Variants in RORA observed in about 807,000 individuals in gnomAD.
The protein encoded by RORA is nuclear receptor ROR-alpha.
A neutral mutation model predicts 69.5 loss-of-function variants in RORA; 7 were observed. That is an observed-to-expected ratio of 0.10 (90% CI 0.06 to 0.19). The LOEUF (loss-of-function observed/expected upper bound fraction) is 0.19, where lower values mean the gene tolerates loss of function less well. Ranked by LOEUF, RORA falls within the 10% of genes least tolerant of loss-of-function variation. The pLI is 1.00. For synonymous variants in RORA, 261 were observed against 240.8 expected (o/e 1.08, Z -0.78); for missense variants, 457 against 663.0 (o/e 0.69, Z 3.41).
At position 60,543,532 on chromosome 15, in the gene RORA, G is replaced by A. The variant is rs181125548; in HGVS notation, c.197-11681C>T. 1.1e-3 allele frequency among the ~76,000 whole-genome samples: 174 copies of A among 152,086 alleles called. 2 individuals are homozygous for A. The East Asian group carries it at 0.025, about 21-fold the overall frequency. Reference sequence around the variant, plus strand: ...CTCACTCTGTCACCCAGGCTGGAGTGCAGTGGTGCGATCACAGCTCACTGC... The same window carrying A: ...CTCACTCTGTCACCCAGGCTGGAGTACAGTGGTGCGATCACAGCTCACTGC... On this transcript the variant is annotated intron_variant, in intron 2 of 10. Coordinates refer to ENST00000335670, the MANE Select transcript of RORA (RefSeq NM_134261.3).
intron 1 of RORA, among the ~76,000 whole-genome samples, chr15:60,853,323 A>G (rs1043182132): frequency 6.6e-6 from 1 of 152,166 alleles, no homozygotes; most frequent in Admixed American, 6.5e-5. Flanking sequence ...AGGTCTCAAA[A>G]TGACTGTTGC....
At chr15:61,024,882 G>A (rs957173694) in intron 1 of RORA, among the ~76,000 whole-genome samples, 2 of 152,148 alleles carry the variant, frequency 1.3e-5, no homozygotes, top group African/African-American at 2.4e-5. Flanking sequence ...GTGAGCCACC[G>A]CACCCAGCTG....
At chr15:60,898,432 C>T (rs138414194) in intron 1 of RORA, among the ~76,000 whole-genome samples, 1 of 152,008 alleles carries the variant, frequency 6.6e-6, no homozygotes, top group African/African-American at 2.4e-5. Flanking sequence ...ATCCCAGAAA[C>T]TCAGAAGGCT....
intron 1 of RORA, among the ~76,000 whole-genome samples, chr15:61,127,320 T>C (rs1234594614): frequency 1.3e-5 from 2 of 152,146 alleles, no homozygotes; most frequent in Non-Finnish European, 2.9e-5. Context: ...GAATATTAAA[T>C]CTTCCTCATG....
At chr15:61,018,600 G>T (rs1895387817) in intron 1 of RORA, among the ~76,000 whole-genome samples, 1 of 152,030 alleles carries the variant, frequency 6.6e-6, no homozygotes, top group Non-Finnish European at 1.5e-5. Context: ...CTGCATGCAT[G>T]TATATACGGA....
At chr15:60,984,749 G>T (rs543904042) in intron 1 of RORA, among the ~76,000 whole-genome samples, 18 of 150,232 alleles carry the variant, frequency 1.2e-4, no homozygotes, top group African/African-American at 4.2e-4. Context: ...AAAGTGAAAT[G>T]TGTTGTCTGT....
At chr15:60,823,726 A>AT (rs1356716685) in intron 1 of RORA, among the ~76,000 whole-genome samples, 1 of 152,226 alleles carries the variant, frequency 6.6e-6, no homozygotes, top group South Asian at 2.1e-4. Context: ...GTAACTAGGA[A>AT]TTTTTTTTAG....
chr15:60,629,508 T>C (rs967656858), intron 2 of RORA, among the ~76,000 whole-genome samples: 2 of 152,218 alleles, frequency 1.3e-5, no homozygotes, highest in African/African-American at 4.8e-5. Flanking sequence ...GGTTCTCAAA[T>C]TGTCTTGCTG....
At chr15:61,060,935 G>A (rs942292750) in intron 1 of RORA, among the ~76,000 whole-genome samples, 2 of 152,188 alleles carry the variant, frequency 1.3e-5, no homozygotes, top group South Asian at 2.1e-4. Context: ...GCGTGCGGCC[G>A]ATGGGCCATG....
intron 1 of RORA, among the ~76,000 whole-genome samples, chr15:61,143,293 C>A (rs1180420631): frequency 6.6e-6 from 1 of 151,748 alleles, no homozygotes; most frequent in Non-Finnish European, 1.5e-5. Context: ...AATTTTAAAT[C>A]CTACAGAGAG....
At chr15:60,614,832 G>T in intron 2 of RORA, 1 of 1,315,636 alleles carries the variant, frequency 7.6e-7, no homozygotes, top group South Asian at 1.3e-5. Flanking sequence ...CATGCAGACA[G>T]ACACTGACAT....
At chr15:60,500,420 A>T (rs1290614473) in intron 9 of RORA, among the ~76,000 whole-genome samples, 1 of 152,210 alleles carries the variant, frequency 6.6e-6, no homozygotes, top group East Asian at 1.9e-4. Context: ...TAAAATTGTC[A>T]ATAGAATTCC....
At chr15:60,945,076 G>A (rs4775333) in intron 1 of RORA, among the ~76,000 whole-genome samples, 36,825 of 152,098 alleles carry the variant, frequency 0.24, 4,952 homozygotes, top group Non-Finnish European at 0.3. Context: ...TAAGAGCAGA[G>A]AGGAGGAAGG....
chr15:61,102,658 T>C (rs1010291607), intron 1 of RORA, among the ~76,000 whole-genome samples: 2 of 152,246 alleles, frequency 1.3e-5, no homozygotes, highest in African/African-American at 2.4e-5. Context: ...GTTCTGCTCA[T>C]GGATCCCCGG....
chr15:60,737,875 T>C (rs924812049), intron 1 of RORA, among the ~76,000 whole-genome samples: 16 of 152,230 alleles, frequency 1.1e-4, no homozygotes, highest in African/African-American at 3.9e-4. Context: ...TGCTCCTTTT[T>C]GTGACAATTC....
intron 1 of RORA, among the ~76,000 whole-genome samples, chr15:60,809,780 T>A (rs2072716256): frequency 9.4e-6 from 1 of 106,872 alleles, no homozygotes; most frequent in African/African-American, 4.2e-5. Context: ...CTTTTCTGTA[T>A]AATATTATGT....
At chr15:60,561,803 C>T (rs898686169) in intron 2 of RORA, among the ~76,000 whole-genome samples, 2 of 152,108 alleles carry the variant, frequency 1.3e-5, no homozygotes, top group Non-Finnish European at 2.9e-5. Flanking sequence ...ACTTCAGTGA[C>T]ACTCCCCCCA....
At chr15:61,103,231 G>A (rs1014020398) in intron 1 of RORA, among the ~76,000 whole-genome samples, 1 of 152,194 alleles carries the variant, frequency 6.6e-6, no homozygotes, top group African/African-American at 2.4e-5. Context: ...GAACTTGGCA[G>A]TGGAGGATGG....
chr15:61,076,211 T>C (rs1170928709), intron 1 of RORA, among the ~76,000 whole-genome samples: 1 of 152,212 alleles, frequency 6.6e-6, no homozygotes, highest in Non-Finnish European at 1.5e-5. Context: ...CCCCCAGAGT[T>C]GCCGAGGGTA....
Sources: gnomAD v4.1 joint callset for allele counts (sites outside exome capture counted in the v4.1 genomes callset) on GRCh38, gnomAD v4.1.1 for gene constraint, MANE v1.5 for transcripts, NCBI Gene and HGNC (gene_info 2026-07-23, HGNC 2026-07-21) for gene names.